Variants in WDR43 observed in about 807,000 individuals in gnomAD.
WDR43 encodes the protein WD repeat domain 43.
WDR43 carries 13 observed loss-of-function variants against 91.4 expected under a neutral mutation model. That is an observed-to-expected ratio of 0.14 (90% CI 0.09 to 0.23). The LOEUF (loss-of-function observed/expected upper bound fraction) is 0.23. Ranked by LOEUF, WDR43 falls within the 10% of genes least tolerant of loss-of-function variation. WDR43 has a pLI of 1.00. For synonymous variants in WDR43, 331 were observed against 287.9 expected, an observed-to-expected ratio of 1.15 and a Z score of -1.51; for missense variants, 780 against 809.4, an observed-to-expected ratio of 0.96 and a Z score of 0.44.
rs780659412 is a variant in WDR43, at chr2:28,914,212, T to C, written c.746+4T>C. 3.1e-6 allele frequency: 5 copies of C among 1,607,404 alleles called. No individual in the cohort carries two copies. Among genetic ancestry groups the C allele is most frequent in the Non-Finnish European group, 3.4e-6 (4 of 1,177,098 alleles). ...ATGACCGGTTACTTAATGTCTGGTA[T>C]GTAGTTCTTTTGGATTTGGGAGGTA... On this transcript the variant is annotated splice_donor_region_variant and intron_variant, in intron 5 of 17. Coordinates refer to ENST00000407426, the MANE Select transcript of WDR43 (RefSeq NM_015131.3).
intron 1 of WDR43, among the ~76,000 whole-genome samples, chr2:28,898,330 T>C (rs1310795428): frequency 2.0e-5 from 3 of 152,210 alleles, no homozygotes; most frequent in African/African-American, 7.2e-5. Context: ...CTTAGAGATG[T>C]AGGGCAGTTC....
Position 28,903,504 on chromosome 2 carries a change from A to G in WDR43, c.363+1380A>G, listed in dbSNP as rs1361089823. On this transcript the variant is annotated intron_variant, in intron 2 of 17. Coordinates refer to ENST00000407426, the MANE Select transcript of WDR43 (RefSeq NM_015131.3). Reference sequence around the variant, plus strand: ...AAGAAACAGCTAATTTGGTAGAGGAATATTTTAATCTGATTTTAAGTTTGC... The same window carrying G: ...AAGAAACAGCTAATTTGGTAGAGGAGTATTTTAATCTGATTTTAAGTTTGC... Among the ~76,000 whole-genome samples the G allele has an allele frequency of 9.2e-5, 14 of 152,242 alleles. No individual in the cohort carries two copies. In the East Asian group the frequency reaches 2.7e-3, roughly 29 times the overall value.
intron 1 of WDR43, 194 bp downstream of exon 1, chr2:28,895,117 G>A: frequency 2.2e-6 from 1 of 461,382 alleles, no homozygotes; most frequent in Non-Finnish European, 3.4e-6. Flanking sequence ...CAGTGAGGGA[G>A]GGCGCAGCTC....
Position 28,936,933 on chromosome 2 carries a change from G to T in WDR43, c.1536G>T (p.Arg512Ser). The T allele has an allele frequency of 6.4e-7, 1 of 1,574,198 alleles. No individual in the cohort carries two copies. Among genetic ancestry groups the T allele is most frequent in the Non-Finnish European group, 8.6e-7 (1 of 1,158,596 alleles). ...IIPLLQELTKRLQGHPNSAVL... is the reference protein window; with the variant it reads ...IIPLLQELTKSLQGHPNSAVL... The stretch of plus-strand genomic sequence containing the variant: ...TTTCTCTCCCTTAGCTTACAAAGAG[G>T]TTACAAGGACATCCTAATAGGTAAG... Residue 512 changes from arginine (R) to serine (S), a missense_variant, in exon 13 of 18, where the codon AGG becomes AGT. Around this residue, in one of 4 missense-constraint regions of WDR43, gnomAD observed 426 missense variants for 467.8 expected, o/e 0.91. Coordinates refer to ENST00000407426, the MANE Select transcript of WDR43 (RefSeq NM_015131.3).
At chr2:28,940,482 A>T (rs1345755266) in intron 14 of WDR43, among the ~76,000 whole-genome samples, 3 of 152,104 alleles carry the variant, frequency 2.0e-5, no homozygotes, top group Non-Finnish European at 4.4e-5. Flanking sequence ...TGCCCGCCTC[A>T]GCCTCCCAAA....
chr2:28,906,221 G>A (rs1373868100), intron 2 of WDR43, among the ~76,000 whole-genome samples: 2 of 151,878 alleles, frequency 1.3e-5, no homozygotes, highest in African/African-American at 2.4e-5. Flanking sequence ...TAACATGGTC[G>A]CCTCTATTTG....
At chr2:28,940,111 CAAAAAAAA>C (rs369746530) in intron 14 of WDR43, among the ~76,000 whole-genome samples, 1 of 103,366 alleles carries the variant, frequency 9.7e-6, no homozygotes. Context: ...GACTCCGTCT[CAAAAAAAA>C]AAAAAAAAAA....
At chr2:28,900,760 T>C (rs1467343519) in intron 1 of WDR43, among the ~76,000 whole-genome samples, 1 of 152,242 alleles carries the variant, frequency 6.6e-6, no homozygotes, top group Non-Finnish European at 1.5e-5. Flanking sequence ...TTCTCTTTTG[T>C]GTTTATTAGT....
At chr2:28,898,931 G>C (rs912913259) in intron 1 of WDR43, among the ~76,000 whole-genome samples, 2 of 152,122 alleles carry the variant, frequency 1.3e-5, no homozygotes, top group Non-Finnish European at 2.9e-5. Context: ...ACAACTCCTT[G>C]CTTTTATAAA....
At chr2:28,935,883 A>G (rs1348606060) in intron 12 of WDR43, 6 of 266,146 alleles carry the variant, frequency 2.3e-5, no homozygotes, top group Admixed American at 1.1e-4. Flanking sequence ...TGTGGCACAG[A>G]ATGCTGTATG....
chr2:28,899,984 T>C (rs1163291062), intron 1 of WDR43, among the ~76,000 whole-genome samples: 1 of 152,176 alleles, frequency 6.6e-6, no homozygotes, highest in East Asian at 1.9e-4. Context: ...GATTTGCAGA[T>C]GCAGAAATTA....
chr2:28,908,902 C>G (rs1329963272), intron 3 of WDR43, among the ~76,000 whole-genome samples: 2 of 152,132 alleles, frequency 1.3e-5, no homozygotes, highest in Non-Finnish European at 2.9e-5. Flanking sequence ...ATTATTGTTA[C>G]AGCTGAGCCT....
intron 1 of WDR43, among the ~76,000 whole-genome samples, chr2:28,897,400 A>G (rs563798098): frequency 3.0e-4 from 46 of 152,238 alleles, no homozygotes; most frequent in African/African-American, 1.0e-3. Context: ...CTCTGAACCC[A>G]CTTTCCAGCA....
chr2:28,905,673 T>TC (rs1670665481), intron 2 of WDR43, among the ~76,000 whole-genome samples: 1 of 151,316 alleles, frequency 6.6e-6, no homozygotes, highest in East Asian at 1.9e-4. Flanking sequence ...CTCTTTTTTT[T>TC]TTTTTTTTTG....
chr2:28,924,256 A>T (rs1671087764), intron 7 of WDR43, among the ~76,000 whole-genome samples: 1 of 152,180 alleles, frequency 6.6e-6, no homozygotes, highest in Non-Finnish European at 1.5e-5. Flanking sequence ...ATTCATTTAG[A>T]GTAATGTTAG....
At chr2:28,920,289 G>A (rs944242204) in intron 6 of WDR43, among the ~76,000 whole-genome samples, 2 of 142,502 alleles carry the variant, frequency 1.4e-5, no homozygotes, top group East Asian at 2.0e-4. Flanking sequence ...GTAGTGGTGC[G>A]ATCTCAGCTC....
intron 12 of WDR43, among the ~76,000 whole-genome samples, chr2:28,936,405 CTG>C (rs1671337935): frequency 6.6e-6 from 1 of 152,034 alleles, no homozygotes; most frequent in African/African-American, 2.4e-5. Context: ...AGGGAAAACT[CTG>C]TACTTAAAAA....
chr2:28,904,277 C>T (rs2148179629), intron 2 of WDR43, among the ~76,000 whole-genome samples: 1 of 152,280 alleles, frequency 6.6e-6, no homozygotes, highest in East Asian at 1.9e-4. Flanking sequence ...TTGAATCCTA[C>T]TAGTTGTATG....
chr2:28,926,362 A>G (rs1572595840), intron 8 of WDR43, 106 bp from the exon 9 acceptor site: 1 of 781,108 alleles, frequency 1.3e-6, no homozygotes, highest in Non-Finnish European at 2.0e-6. Context: ...AAAATGCACA[A>G]GTAGTCATTT....
Sources: gnomAD v4.1 joint callset for allele counts (sites outside exome capture counted in the v4.1 genomes callset) on GRCh38, gnomAD v4.1.1 for gene constraint, gnomAD v4.1.1 regional missense constraint, MANE v1.5 for transcripts, NCBI Gene and HGNC (gene_info 2026-07-23, HGNC 2026-07-21) for gene names.